SEZ6L: variants seen among roughly 807,000 people sequenced by gnomAD.
SEZ6L encodes the protein seizure related 6 homolog like, also known as seizure 6-like protein.
SEZ6L carries 37 observed loss-of-function variants against 106.2 expected under a neutral mutation model. That is an observed-to-expected ratio of 0.35 (90% confidence interval 0.27 to 0.46). The LOEUF (loss-of-function observed/expected upper bound fraction) is 0.46, where lower values mean the gene tolerates loss of function less well. SEZ6L is among the 20% of genes least tolerant of loss of function. The pLI is 1.00. For missense variants in SEZ6L, 1,172 were observed against 1,332.8 expected (o/e 0.88, Z 1.88); for synonymous variants, 541 against 570.4 (o/e 0.95, Z 0.73).
intron 9 of SEZ6L, among the ~76,000 whole-genome samples, chr22:26,338,867 C>CTTTTTTT (rs71192914): frequency 0.16 from 13,760 of 86,824 alleles, 1,518 homozygotes; most frequent in South Asian, 0.21. Context: ...TTTTTTTTTT[C>CTTTTTTT]TTTTTTTTTT....
intron 4 of SEZ6L, 146 bp from the exon 5 acceptor site, chr22:26,298,838 T>A: frequency 1.6e-6 from 1 of 636,690 alleles, no homozygotes; most frequent in Non-Finnish European, 2.4e-6. Flanking sequence ...TCAAAGAGAG[T>A]CACAAAAATA....
chr22:26,281,291 A>C (rs2080755766), intron 1 of SEZ6L, among the ~76,000 whole-genome samples: 1 of 152,112 alleles, frequency 6.6e-6, no homozygotes, highest in Non-Finnish European at 1.5e-5. Flanking sequence ...GACCCTGTAG[A>C]TAGTCCCCAC....
intron 1 of SEZ6L, among the ~76,000 whole-genome samples, chr22:26,177,407 C>T (rs377419520): frequency 2.1e-3 from 326 of 152,300 alleles, no homozygotes; most frequent in African/African-American, 7.4e-3. Context: ...GGCCATTCAT[C>T]GGGTCCTCAC....
In SEZ6L at chr22:26,319,870, G is replaced by C. The variant is rs143280660; in HGVS notation, c.2015+5968G>C. Among the ~76,000 whole-genome samples the C allele has an allele frequency of 2.4e-3, 369 of 152,244 alleles. 10 individuals are homozygous for C. In the East Asian group the frequency reaches 0.059, roughly 24 times the overall value. On this transcript the variant is annotated intron_variant, in intron 9 of 16. Transcript: ENST00000248933. ...GCAAGGAAGTAAATGTAGCTTGTCA[G>C]GATCATACAGACATGAGGCTTCAAA...
rs114484049 is a variant in SEZ6L at position 26,333,633 on chromosome 22, G to A, written c.2016-6803G>A. ...TCACCCGAGACACACACTCAGCATGGTGCTGAGCACTAGGGATACAGCCAG... is the reference window on the plus strand; with the variant it reads ...TCACCCGAGACACACACTCAGCATGATGCTGAGCACTAGGGATACAGCCAG... On this transcript the variant is annotated intron_variant, in intron 9 of 16. Coordinates refer to ENST00000248933, the MANE Select transcript of SEZ6L (RefSeq NM_021115.5). Among the ~76,000 whole-genome samples, 191 of 152,286 alleles carry A rather than the reference G, an allele frequency of 1.3e-3. 3 individuals are homozygous for A. Among genetic ancestry groups the A allele is most frequent in the African/African-American group, 4.4e-3 (183 of 41,534 alleles).
chr22:26,199,063 G>A (rs1340743347), intron 1 of SEZ6L, among the ~76,000 whole-genome samples: 2 of 152,180 alleles, frequency 1.3e-5, no homozygotes, highest in East Asian at 1.9e-4. Flanking sequence ...GAGATTATCA[G>A]CTCTGGACAG....
chr22:26,227,837 G>A (rs1192443494), intron 1 of SEZ6L, among the ~76,000 whole-genome samples: 1 of 152,198 alleles, frequency 6.6e-6, no homozygotes, highest in East Asian at 1.9e-4. Flanking sequence ...CCTGCAGAGT[G>A]GCCTCTGCCC....
At chr22:26,366,242 G>A (rs1352965197) in intron 13 of SEZ6L, among the ~76,000 whole-genome samples, 1 of 152,170 alleles carries the variant, frequency 6.6e-6, no homozygotes, top group Non-Finnish European at 1.5e-5. Flanking sequence ...GCTGAGGCAA[G>A]AGAATCACTT....
intron 1 of SEZ6L, among the ~76,000 whole-genome samples, chr22:26,192,429 C>G (rs1290766320): frequency 6.6e-6 from 1 of 152,166 alleles, no homozygotes; most frequent in African/African-American, 2.4e-5. Context: ...ACCAGTAACT[C>G]TCTCAATTTA....
intron 1 of SEZ6L, among the ~76,000 whole-genome samples, chr22:26,219,270 T>TTTTTTA (rs2078390640): frequency 6.6e-6 from 1 of 150,608 alleles, no homozygotes; most frequent in Non-Finnish European, 1.5e-5. Flanking sequence ...TTTTTTTTTT[T>TTTTTTA]CGCTCCTGGC....
intron 12 of SEZ6L, chr22:26,351,536 T>TGGTTG: frequency 6.1e-6 from 1 of 162,728 alleles, no homozygotes. Flanking sequence ...TTTGTTTGTT[T>TGGTTG]GTTTGTTTGT....
intron 1 of SEZ6L, among the ~76,000 whole-genome samples, chr22:26,204,286 A>G (rs1006734425): frequency 4.6e-5 from 7 of 152,234 alleles, no homozygotes; most frequent in African/African-American, 1.7e-4. Flanking sequence ...ACAGATGATC[A>G]TACACATAAT....
At chr22:26,244,781 T>C (rs565492783) in intron 1 of SEZ6L, 2 of 152,260 alleles carry the variant, frequency 1.3e-5, no homozygotes, top group African/African-American at 4.8e-5. Flanking sequence ...CACCAGGAGC[T>C]ATACGAGGCA....
At chr22:26,348,248 T>A (rs1156526012) in intron 11 of SEZ6L, among the ~76,000 whole-genome samples, 3 of 151,840 alleles carry the variant, frequency 2.0e-5, no homozygotes, top group Admixed American at 6.6e-5. Context: ...GTAATCCTAG[T>A]GCTTTGGGAG....
At chr22:26,175,100 C>T (rs564417722) in intron 1 of SEZ6L, among the ~76,000 whole-genome samples, 21 of 152,252 alleles carry the variant, frequency 1.4e-4, no homozygotes, top group African/African-American at 5.1e-4. Context: ...TTCCCCAAGA[C>T]CACATGCAGA....
At chr22:26,218,853 G>C (rs533078127) in intron 1 of SEZ6L, among the ~76,000 whole-genome samples, 1 of 152,030 alleles carries the variant, frequency 6.6e-6, no homozygotes, top group Admixed American at 6.6e-5. Context: ...AGGAGAAATC[G>C]CTTGAACCCA....
Position 26,297,033 on chromosome 22 carries a change from G to A in SEZ6L, c.1115G>A (p.Arg372Gln), listed in dbSNP as rs148526431. The A allele has an allele frequency of 2.4e-5, 39 of 1,613,764 alleles. No homozygotes were observed. In the Admixed American group the frequency reaches 2.8e-4, roughly 12 times the overall value. Reference protein sequence around the residue: ...SPTNTISVYFRTFQDDGLGTF... With the variant: ...SPTNTISVYFQTFQDDGLGTF... ...ACCAACACCATCTCCGTCTACTTCC[G>A]GACCTTCCAGGACGACGGCCTTGGG... The change falls in exon 4 of 17, where the codon CGG becomes CAG. Residue 372 changes from arginine to glutamine, a missense_variant. Physicochemically the swap from Arg to Gln is conservative, Grantham distance 43 (BLOSUM62 1). Around this residue, in one of 4 missense-constraint regions of SEZ6L, gnomAD observed 534 missense variants for 691.0 expected, o/e 0.77. Transcript: ENST00000248933.
chr22:26,279,614 C>T (rs774271765), intron 1 of SEZ6L, among the ~76,000 whole-genome samples: 1 of 152,190 alleles, frequency 6.6e-6, no homozygotes, highest in Non-Finnish European at 1.5e-5. Flanking sequence ...AAGGACCAGG[C>T]CGTAGCAGTT....
chr22:26,369,897 G>C (rs1452479445), intron 13 of SEZ6L, among the ~76,000 whole-genome samples: 1 of 152,102 alleles, frequency 6.6e-6, no homozygotes, highest in Non-Finnish European at 1.5e-5. Flanking sequence ...GATTACAGGC[G>C]TGAGCCATCA....
Sources: gnomAD v4.1 joint callset for allele counts (sites outside exome capture counted in the v4.1 genomes callset) on GRCh38, gnomAD v4.1.1 for gene constraint, gnomAD v4.1.1 regional missense constraint, MANE v1.5 for transcripts, NCBI Gene and HGNC (gene_info 2026-07-23, HGNC 2026-07-21) for gene names.